VPS13B: variants seen among roughly 807,000 people sequenced by gnomAD.
VPS13B encodes the protein intermembrane lipid transfer protein VPS13B.
Under a neutral mutation model 426.4 loss-of-function variants are expected in VPS13B, and 285 were observed. That is an observed-to-expected ratio of 0.67 (90% CI 0.61 to 0.74). VPS13B has a LOEUF of 0.74. Ranked by LOEUF, VPS13B falls within the 30% of genes least tolerant of loss-of-function variation. The pLI is 0.00. For synonymous variants in VPS13B, 1,676 were observed against 1,676.4 expected (o/e 1.00, Z 0.01); for missense variants, 4,537 against 4,782.6 (o/e 0.95, Z 1.51).
At chr8:99,314,700 C>T (rs1588241216) in intron 19 of VPS13B, among the ~76,000 whole-genome samples, 1 of 150,716 alleles carries the variant, frequency 6.6e-6, no homozygotes, top group Admixed American at 6.6e-5. Context: ...ATCCTCCTGC[C>T]TTGGCCTCCG....
chr8:99,736,849 A>T (rs1289852640), intron 39 of VPS13B, among the ~76,000 whole-genome samples: 1 of 152,128 alleles, frequency 6.6e-6, no homozygotes, highest in African/African-American at 2.4e-5. Flanking sequence ...TCCTCATGCT[A>T]CAAAAATGTA....
chr8:99,791,420 G>A (rs561300887), intron 43 of VPS13B, among the ~76,000 whole-genome samples: 94 of 152,110 alleles, frequency 6.2e-4, no homozygotes, highest in Non-Finnish European at 1.1e-3. Context: ...AAGAGCCTGG[G>A]AATCCATTTC....
Position 99,131,817 on chromosome 8 carries a change from G to A in VPS13B, c.1207-2815G>A, listed in dbSNP as rs185064987. Reference sequence around the variant, plus strand: ...TTTCTCAAAATAAGACAGCAATGAAGTGTGCCACGTTAATTGACTCTTCCT... The same window carrying A: ...TTTCTCAAAATAAGACAGCAATGAAATGTGCCACGTTAATTGACTCTTCCT... On this transcript the variant is annotated intron_variant, in intron 8 of 61. Transcript: ENST00000357162. Among the ~76,000 whole-genome samples the A allele has an allele frequency of 5.9e-5, 9 of 152,276 alleles. No homozygotes were observed. In the East Asian group the frequency reaches 1.7e-3, roughly 29 times the overall value.
intron 43 of VPS13B, among the ~76,000 whole-genome samples, chr8:99,789,687 A>C (rs968175261): frequency 3.3e-5 from 5 of 152,160 alleles, no homozygotes. Flanking sequence ...GGAGTTAAGT[A>C]AAATCTGGCA....
At chr8:99,301,474 G>C (rs1174472033) in intron 19 of VPS13B, among the ~76,000 whole-genome samples, 2 of 151,918 alleles carry the variant, frequency 1.3e-5, no homozygotes, top group African/African-American at 4.8e-5. Context: ...ATTTTTAGTA[G>C]AGATGGGGTT....
intron 33 of VPS13B, among the ~76,000 whole-genome samples, chr8:99,604,979 C>T (rs1827505327): frequency 6.6e-6 from 1 of 152,182 alleles, no homozygotes; most frequent in South Asian, 2.1e-4. Flanking sequence ...CTTTAACTCT[C>T]AAAAACATTT....
intron 22 of VPS13B, among the ~76,000 whole-genome samples, chr8:99,433,467 C>T (rs533223795): frequency 8.5e-5 from 13 of 152,266 alleles, no homozygotes; most frequent in African/African-American, 2.9e-4. Context: ...TAGAATAACA[C>T]TTTTATGTGC....
At chr8:99,034,610 T>C (rs1306343290) in intron 2 of VPS13B, among the ~76,000 whole-genome samples, 3 of 152,096 alleles carry the variant, frequency 2.0e-5, no homozygotes, top group Non-Finnish European at 4.4e-5. Context: ...ACCAGTAATA[T>C]ATATGTGAGA....
At chr8:99,526,652 T>C (rs1822660066) in intron 30 of VPS13B, among the ~76,000 whole-genome samples, 1 of 152,212 alleles carries the variant, frequency 6.6e-6, no homozygotes, top group Non-Finnish European at 1.5e-5. Flanking sequence ...AGATTTGTTT[T>C]GGAGGATTGG....
At chr8:99,622,791 C>A (rs1413272465) in intron 33 of VPS13B, among the ~76,000 whole-genome samples, 1 of 152,162 alleles carries the variant, frequency 6.6e-6, no homozygotes, top group Non-Finnish European at 1.5e-5. Context: ...TTTATACTCA[C>A]CTCCTGTTTC....
intron 35 of VPS13B, among the ~76,000 whole-genome samples, chr8:99,663,429 A>G (rs1830321046): frequency 6.6e-6 from 1 of 152,238 alleles, no homozygotes. Context: ...GCAAGTCATT[A>G]AAGTGTAGGA....
intron 2 of VPS13B, among the ~76,000 whole-genome samples, chr8:99,032,014 G>A (rs1266792058): frequency 1.3e-5 from 2 of 152,200 alleles, no homozygotes; most frequent in Non-Finnish European, 2.9e-5. Flanking sequence ...CTGGACTCAG[G>A]GCTTGTGAGG....
chr8:99,810,154 A>T (rs1788150), intron 44 of VPS13B, among the ~76,000 whole-genome samples: 18,989 of 152,266 alleles, frequency 0.12, 1,809 homozygotes, highest in East Asian at 0.4. Context: ...AAGGGAAAAA[A>T]GTATCTGACA....
At chr8:99,456,081 G>T (rs1469336937) in intron 23 of VPS13B, among the ~76,000 whole-genome samples, 1 of 152,128 alleles carries the variant, frequency 6.6e-6, no homozygotes, top group Non-Finnish European at 1.5e-5. Flanking sequence ...TGATCGATTT[G>T]TTAGGGTTAG....
At chr8:99,252,462 G>A (rs532894500) in intron 17 of VPS13B, among the ~76,000 whole-genome samples, 1 of 152,136 alleles carries the variant, frequency 6.6e-6, no homozygotes, top group East Asian at 1.9e-4. Context: ...TTCTGGCCCA[G>A]TATAATATTA....
intron 57 of VPS13B, among the ~76,000 whole-genome samples, chr8:99,861,027 C>A (rs1287230600): frequency 1.3e-5 from 2 of 152,166 alleles, no homozygotes; most frequent in African/African-American, 4.8e-5. Flanking sequence ...AAATTTATTC[C>A]TAAAGCTGAA....
chr8:99,044,853 TACACACACACACACACACACACACACAC>T (rs60056711), intron 3 of VPS13B, among the ~76,000 whole-genome samples: 3 of 139,792 alleles, frequency 2.1e-5, no homozygotes, highest in Non-Finnish European at 4.6e-5. Context: ...TTCCATTTTA[TACACACACACACACACACACACACACAC>T]ACACACACAC....
chr8:99,695,800 C>G (rs868515349), intron 35 of VPS13B, among the ~76,000 whole-genome samples: 39 of 151,760 alleles, frequency 2.6e-4, no homozygotes, highest in Middle Eastern at 6.9e-3. Context: ...CTGAGAGAGC[C>G]TGGGTATCCA....
In VPS13B at chr8:99,211,638, G is replaced by A. The variant is rs752756897; in HGVS notation, c.2515+18581G>A. On this transcript the variant is annotated intron_variant, in intron 17 of 61. Coordinates refer to ENST00000357162, the MANE Select transcript of VPS13B (RefSeq NM_152564.5). ...CTAAAAATACAAAAATTAGCTGGACGTGGTGGTGTGTGCCTGTAGTCCCAG... is the reference window on the plus strand; with the variant it reads ...CTAAAAATACAAAAATTAGCTGGACATGGTGGTGTGTGCCTGTAGTCCCAG... Among the ~76,000 whole-genome samples, 5 of 152,006 alleles carry A rather than the reference G, an allele frequency of 3.3e-5. No individual in the cohort carries two copies. In the South Asian group the frequency reaches 1.0e-3, roughly 32 times the overall value.
Sources: allele counts gnomAD v4.1 joint callset (sites outside exome capture counted in the v4.1 genomes callset), GRCh38; gene constraint gnomAD v4.1.1; transcripts MANE v1.5; gene names NCBI Gene and HGNC (gene_info 2026-07-23, HGNC 2026-07-21).